Variants in CFAP299 observed in about 807,000 individuals in gnomAD.
CFAP299 encodes the protein cilia and flagella associated protein 299, also known as cilia- and flagella-associated protein 299.
CFAP299 carries 21 observed loss-of-function variants against 27.0 expected under a neutral mutation model. That is an observed-to-expected ratio of 0.78 (90% CI 0.55 to 1.12). CFAP299 has a LOEUF of 1.12. CFAP299 is among the 50% of genes most tolerant of loss of function. CFAP299 has a pLI of 0.00. For synonymous variants in CFAP299, 104 were observed against 98.1 expected, an observed-to-expected ratio of 1.06 and a Z score of -0.36; for missense variants, 310 against 276.6, an observed-to-expected ratio of 1.12 and a Z score of -0.86.
At chr4:80,849,485 T>C (rs1409806140) in intron 3 of CFAP299, among the ~76,000 whole-genome samples, 2 of 152,072 alleles carry the variant, frequency 1.3e-5, no homozygotes, top group Non-Finnish European at 2.9e-5. Context: ...AAAAATCAAG[T>C]ACAGGTAAAA....
intron 4 of CFAP299, among the ~76,000 whole-genome samples, chr4:80,917,823 A>G (rs925975475): frequency 6.6e-6 from 1 of 152,178 alleles, no homozygotes; most frequent in Non-Finnish European, 1.5e-5. Flanking sequence ...TATTCTCTAT[A>G]AACAATATCC....
rs1404759388 is a variant in CFAP299, at chr4:80,786,984, A to G, written c.334-83009A>G. ...TATATCCTTCTGATACACTTGATCAATAAGATAGAGAAAGATGATATTCAG... is the reference window on the plus strand; with the variant it reads ...TATATCCTTCTGATACACTTGATCAGTAAGATAGAGAAAGATGATATTCAG... On this transcript the variant is annotated intron_variant, in intron 3 of 5. Transcript: ENST00000358105. Among the ~76,000 whole-genome samples the G allele has an allele frequency of 2.6e-5, 4 of 151,970 alleles. No individual in the cohort carries two copies. The East Asian group carries it at 5.8e-4, about 22-fold the overall frequency.
chr4:80,937,763 C>A (rs962428719), intron 4 of CFAP299, among the ~76,000 whole-genome samples: 4 of 151,862 alleles, frequency 2.6e-5, no homozygotes, highest in African/African-American at 9.7e-5. Context: ...CTTTTTATTG[C>A]CATTTCATTG....
At chr4:80,952,403 G>A (rs1321049949) in intron 5 of CFAP299, among the ~76,000 whole-genome samples, 1 of 152,176 alleles carries the variant, frequency 6.6e-6, no homozygotes, top group Non-Finnish European at 1.5e-5. Context: ...ATTGACTCTA[G>A]TGCTTTTCTG....
intron 3 of CFAP299, among the ~76,000 whole-genome samples, chr4:80,803,591 C>A (rs1050058785): frequency 1.3e-5 from 2 of 151,648 alleles, no homozygotes; most frequent in Non-Finnish European, 2.9e-5. Context: ...CCAGCTTCCT[C>A]CAATAGAAAC....
intron 3 of CFAP299, among the ~76,000 whole-genome samples, chr4:80,797,980 C>T (rs1479182724): frequency 6.6e-6 from 1 of 152,070 alleles, no homozygotes; most frequent in African/African-American, 2.4e-5. Flanking sequence ...ATGCAGAGTC[C>T]CTACTTACTG....
intron 4 of CFAP299, among the ~76,000 whole-genome samples, chr4:80,937,298 C>CTTTTTTTTTTTTTTTTTTTTTTTTT (rs1203322592): frequency 2.1e-5 from 2 of 94,358 alleles, no homozygotes; most frequent in African/African-American, 4.7e-5. Flanking sequence ...TTTCTTTTTT[C>CTTTTTTTTTTTTTTTTTTTTTTTTT]TTTTTTTTTC....
chr4:80,491,111 C>T (rs1334940630), intron 2 of CFAP299, among the ~76,000 whole-genome samples: 1 of 151,772 alleles, frequency 6.6e-6, no homozygotes, highest in Non-Finnish European at 1.5e-5. Flanking sequence ...TATCATTCAG[C>T]TTGAATCAAA....
chr4:80,931,163 G>GTGAGTGAA (rs1736596291), intron 4 of CFAP299, among the ~76,000 whole-genome samples: 1 of 148,486 alleles, frequency 6.7e-6, no homozygotes, highest in African/African-American at 2.5e-5. Flanking sequence ...GAGTGAGTGA[G>GTGAGTGAA]TGAGTGAGTG....
At chr4:80,942,588 A>G (rs1737256020) in intron 4 of CFAP299, among the ~76,000 whole-genome samples, 2 of 152,182 alleles carry the variant, frequency 1.3e-5, no homozygotes, top group Non-Finnish European at 2.9e-5. Context: ...TGTCTTCATC[A>G]AAAGAATCAT....
chr4:80,475,035 T>C (rs1403780631), intron 2 of CFAP299, among the ~76,000 whole-genome samples: 1 of 152,084 alleles, frequency 6.6e-6, no homozygotes, highest in African/African-American at 2.4e-5. Context: ...CTTGCAAAGA[T>C]TCAGGAGTAT....
At position 80,587,588 on chromosome 4, in the gene CFAP299, TG is replaced by T. The variant is rs1736514996; in HGVS notation, c.333+4407del. 2.6e-5 allele frequency among the ~76,000 whole-genome samples: 4 copies of T among 152,160 alleles called. No homozygotes were observed. In the South Asian group the frequency reaches 8.3e-4, roughly 32 times the overall value. On this transcript the variant is annotated intron_variant, in intron 3 of 5. Coordinates refer to ENST00000358105, the MANE Select transcript of CFAP299 (RefSeq NM_152770.3). Reference sequence around the variant, plus strand: ...ACATCTAAGCCTAAAACTTGGTAGGTGGTTTTTTTTCTTTTCTTTTCTGAGA... The same window carrying T: ...ACATCTAAGCCTAAAACTTGGTAGGTGTTTTTTTTCTTTTCTTTTCTGAGA...
chr4:80,661,372 C>T (rs949109960), intron 3 of CFAP299, among the ~76,000 whole-genome samples: 5 of 149,866 alleles, frequency 3.3e-5, no homozygotes, highest in South Asian at 2.1e-4. Flanking sequence ...GAACCCTGAA[C>T]GGAGGGACCG....
chr4:80,849,802 A>G (rs534209023), intron 3 of CFAP299, among the ~76,000 whole-genome samples: 1 of 152,276 alleles, frequency 6.6e-6, no homozygotes, highest in African/African-American at 2.4e-5. Context: ...CTGAAGTTCT[A>G]TTGCACAGTA....
At position 80,870,793 on chromosome 4, in the gene CFAP299, G is replaced by A. The variant is rs1021338033; in HGVS notation, c.476+658G>A. The A allele has an allele frequency of 4.1e-6, 4 of 985,082 alleles. No individual in the cohort carries two copies. The African/African-American group carries it at 5.2e-5, about 13-fold the overall frequency. The allele number at this position is 985,082 out of a possible 1,614,324, so 61.0% of individuals were successfully genotyped here. A position where few individuals can be genotyped will look rare whatever the true frequency, so the allele number is the denominator to read the frequency against. On this transcript the variant is annotated intron_variant, in intron 4 of 5. Coordinates refer to ENST00000358105, the MANE Select transcript of CFAP299 (RefSeq NM_152770.3). Reference sequence around the variant, plus strand: ...CATTATGCTTTAACTCTCCACTGCTGTATTCAGATCATTATTTGATGATTA... The same window carrying A: ...CATTATGCTTTAACTCTCCACTGCTATATTCAGATCATTATTTGATGATTA...
chr4:80,953,078 AAAAC>A (rs367543939), intron 5 of CFAP299, among the ~76,000 whole-genome samples: 4 of 152,198 alleles, frequency 2.6e-5, no homozygotes, highest in African/African-American at 7.2e-5. Flanking sequence ...TCCCTTTTGA[AAAAC>A]AAACAAACAA....
chr4:80,527,303 T>A (rs989122), intron 2 of CFAP299, among the ~76,000 whole-genome samples: 51,196 of 151,900 alleles, frequency 0.34, 10,156 homozygotes, highest in African/African-American at 0.55. Context: ...GGTTTTTTTT[T>A]AAATAATAAA....
intron 1 of CFAP299, among the ~76,000 whole-genome samples, chr4:80,354,008 C>G (rs933577164): frequency 2.6e-5 from 4 of 152,092 alleles, no homozygotes; most frequent in Non-Finnish European, 5.9e-5. Flanking sequence ...AAACAATGAC[C>G]TAAGAAGACT....
At chr4:80,908,630 A>G (rs1735305266) in intron 4 of CFAP299, among the ~76,000 whole-genome samples, 1 of 152,164 alleles carries the variant, frequency 6.6e-6, no homozygotes, top group South Asian at 2.1e-4. Flanking sequence ...TATATCTCAG[A>G]TCAAAATGTT....
Sources: gnomAD v4.1 joint callset for allele counts (sites outside exome capture counted in the v4.1 genomes callset) on GRCh38, gnomAD v4.1.1 for gene constraint, MANE v1.5 for transcripts, NCBI Gene and HGNC (gene_info 2026-07-23, HGNC 2026-07-21) for gene names.